XYLT1: variants seen among roughly 807,000 people sequenced by gnomAD.
The protein encoded by XYLT1 is xylosyltransferase 1.
A neutral mutation model predicts 91.3 loss-of-function variants in XYLT1; 36 were observed. The ratio of observed to expected loss-of-function variants is 0.39; its 90% CI spans 0.30 to 0.52. XYLT1 has a LOEUF of 0.52. Among genes scored for constraint, XYLT1 ranks in the 20% least tolerant of loss-of-function variants. XYLT1 has a pLI of 0.68. For missense variants in XYLT1, 1,242 were observed against 1,284.5 expected (o/e 0.97, Z 0.51); for synonymous variants, 588 against 532.0 (o/e 1.11, Z -1.45).
At chr16:17,327,858 A>T (rs949718186) in intron 2 of XYLT1, among the ~76,000 whole-genome samples, 1 of 152,104 alleles carries the variant, frequency 6.6e-6, no homozygotes, top group African/African-American at 2.4e-5. Flanking sequence ...TCAAGATTAA[A>T]GTAACTAACA....
At chr16:17,438,205 C>A (rs2036485244) in intron 1 of XYLT1, among the ~76,000 whole-genome samples, 1 of 152,132 alleles carries the variant, frequency 6.6e-6, no homozygotes, top group South Asian at 2.1e-4. Flanking sequence ...GTGAGACGAA[C>A]CTAATCGCAG....
chr16:17,213,084 G>C (rs138114901), intron 3 of XYLT1, among the ~76,000 whole-genome samples: 7 of 152,290 alleles, frequency 4.6e-5, no homozygotes, highest in African/African-American at 1.7e-4. Flanking sequence ...TTGGAGGTGG[G>C]ACCTGGTGGG....
At chr16:17,153,100 A>C (rs536235239) in intron 6 of XYLT1, among the ~76,000 whole-genome samples, 2 of 152,296 alleles carry the variant, frequency 1.3e-5, no homozygotes, top group East Asian at 1.9e-4. Flanking sequence ...CATATCAACA[A>C]CACCATCATT....
At chr16:17,456,579 G>A (rs1313421344) in intron 1 of XYLT1, among the ~76,000 whole-genome samples, 1 of 152,064 alleles carries the variant, frequency 6.6e-6, no homozygotes, top group East Asian at 1.9e-4. Flanking sequence ...GGGCTCCAGC[G>A]ATCTTCCCAC....
At chr16:17,424,885 A>G (rs2036295694) in intron 1 of XYLT1, among the ~76,000 whole-genome samples, 1 of 151,732 alleles carries the variant, frequency 6.6e-6, no homozygotes, top group African/African-American at 2.4e-5. Context: ...AAAAAAAAAA[A>G]AAAAGATACG....
intron 2 of XYLT1, among the ~76,000 whole-genome samples, chr16:17,349,780 G>A (rs748240374): frequency 6.6e-6 from 1 of 151,860 alleles, no homozygotes; most frequent in Non-Finnish European, 1.5e-5. Flanking sequence ...CTTAATTCAT[G>A]TTACATAAAA....
At chr16:17,375,434 A>G (rs1002990091) in intron 1 of XYLT1, among the ~76,000 whole-genome samples, 2 of 150,362 alleles carry the variant, frequency 1.3e-5, no homozygotes, top group African/African-American at 4.9e-5. Flanking sequence ...CGCAATGCAA[A>G]AAAAAAAATA....
chr16:17,288,952 A>AT (rs1035694477), intron 2 of XYLT1, among the ~76,000 whole-genome samples: 4 of 152,174 alleles, frequency 2.6e-5, no homozygotes, highest in African/African-American at 7.2e-5. Flanking sequence ...CAATAAATAG[A>AT]TTTTTTTAAA....
intron 4 of XYLT1, among the ~76,000 whole-genome samples, chr16:17,200,088 G>T (rs2032504810): frequency 6.6e-6 from 1 of 151,986 alleles, no homozygotes; most frequent in African/African-American, 2.4e-5. Flanking sequence ...GGGTGTGGTG[G>T]CATGCACCTG....
intron 3 of XYLT1, among the ~76,000 whole-genome samples, chr16:17,218,364 T>A (rs141375573): frequency 2.0e-3 from 294 of 149,834 alleles, no homozygotes; most frequent in African/African-American, 6.9e-3. Flanking sequence ...GGACTTTTGT[T>A]TTTTTTTTTA....
At chr16:17,225,118 C>T (rs879125283) in intron 3 of XYLT1, among the ~76,000 whole-genome samples, 1 of 151,762 alleles carries the variant, frequency 6.6e-6, no homozygotes, top group Non-Finnish European at 1.5e-5. Context: ...GACATTTTGT[C>T]CTGTGTGACC....
At chr16:17,256,001 G>A (rs2033624525) in intron 3 of XYLT1, among the ~76,000 whole-genome samples, 1 of 152,004 alleles carries the variant, frequency 6.6e-6, no homozygotes, top group Non-Finnish European at 1.5e-5. Context: ...GAGCGAGACT[G>A]TCTCAAAAAA....
chr16:17,332,726 G>A (rs183158560), intron 2 of XYLT1, among the ~76,000 whole-genome samples: 2 of 152,168 alleles, frequency 1.3e-5, no homozygotes, highest in East Asian at 3.9e-4. Flanking sequence ...GTCAGTTTTG[G>A]AAGAGACAGG....
chr16:17,458,884 A>T (rs922217428), intron 1 of XYLT1, among the ~76,000 whole-genome samples: 28 of 152,158 alleles, frequency 1.8e-4, no homozygotes, highest in African/African-American at 6.8e-4. Flanking sequence ...AGAAATATAC[A>T]GCGATTAATA....
intron 3 of XYLT1, among the ~76,000 whole-genome samples, chr16:17,225,825 A>G (rs1270368405): frequency 6.6e-6 from 1 of 152,224 alleles, no homozygotes; most frequent in Non-Finnish European, 1.5e-5. Context: ...GCATTCTACG[A>G]CCAAAGTTCA....
intron 2 of XYLT1, among the ~76,000 whole-genome samples, chr16:17,300,277 A>G (rs1456611289): frequency 3.3e-5 from 5 of 152,194 alleles, no homozygotes; most frequent in African/African-American, 1.2e-4. Flanking sequence ...TAACCTTCAC[A>G]TTTAACTTGC....
chr16:17,401,432 C>T (rs1255625430), intron 1 of XYLT1, among the ~76,000 whole-genome samples: 3 of 152,268 alleles, frequency 2.0e-5, no homozygotes, highest in African/African-American at 7.2e-5. Flanking sequence ...GGAAATGGCA[C>T]AAGAACTGGC....
At chr16:17,239,175 A>G (rs1372279126) in intron 3 of XYLT1, among the ~76,000 whole-genome samples, 1 of 152,162 alleles carries the variant, frequency 6.6e-6, no homozygotes, top group Non-Finnish European at 1.5e-5. Context: ...TGGACTCTTC[A>G]CTTGCAGACT....
At chr16:17,132,071 G>A (rs760126858) in intron 9 of XYLT1, among the ~76,000 whole-genome samples, 1 of 152,180 alleles carries the variant, frequency 6.6e-6, no homozygotes, top group Non-Finnish European at 1.5e-5. Context: ...GGTGTCTTTT[G>A]GAATTTCCTG....
Sources: allele counts gnomAD v4.1 joint callset (sites outside exome capture counted in the v4.1 genomes callset), GRCh38; gene constraint gnomAD v4.1.1; transcripts MANE v1.5; gene names NCBI Gene and HGNC (gene_info 2026-07-23, HGNC 2026-07-21).